The following HCST variants were observed in gnomAD, a reference collection of about 807,000 sequenced individuals.
HCST encodes DNAX-activation protein 10.
Under a neutral mutation model 10.8 loss-of-function variants are expected in HCST, and 12 were observed. The ratio of observed to expected loss-of-function variants is 1.12; its 90% CI spans 0.72 to 1.81. HCST has a LOEUF of 1.81. Among genes scored for constraint, HCST ranks in the 40% most tolerant of loss-of-function variants. The pLI, the probability that HCST is intolerant of heterozygous loss-of-function variation, is 0.00. For missense variants in HCST, 102 were observed against 117.9 expected (o/e 0.87, Z 0.62); for synonymous variants, 59 against 51.6 (o/e 1.14, Z -0.61).
Position 35,902,592 on chromosome 19 carries a change from C to T in HCST, c.-2C>T, listed in dbSNP as rs1198266220. 2 of 1,614,022 alleles carry T rather than the reference C, an allele frequency of 1.2e-6. No individual in the cohort carries two copies. The highest frequency in any genetic ancestry group is 1.7e-6 in the Non-Finnish European group (2 of 1,179,986). On this transcript the variant is annotated 5_prime_UTR_variant, in exon 1 of 4. Coordinates refer to ENST00000246551, the MANE Select transcript of HCST (RefSeq NM_014266.4). ...CAGACCCCTGCCAGACCCCAGTCCA[C>T]CATGATCCATCTGGGTCACATCCTC...
In HCST at chr19:35,903,794, C is replaced by T. The variant is rs1975643071; in HGVS notation, c.132C>T (p.Ser44=). 1.2e-6 allele frequency: 2 copies of T among 1,613,988 alleles called. No individual in the cohort carries two copies. Among genetic ancestry groups the T allele is most frequent in the East Asian group, 2.2e-5 (1 of 44,898 alleles). The stretch of plus-strand genomic sequence containing the variant: ...CAGGCTCTTGTTCCGGATGTGGGTC[C>T]CTCTCTCTGCCGCTCCTGGCAGGCC... ...GTSGSCSGCG[S]LSLPLLAGLV... is the part of the protein sequence containing the mutation. The change falls in exon 3 of 4, where the codon TCC becomes TCT. Residue 44 remains serine (S), a synonymous_variant. Coordinates refer to ENST00000246551, the MANE Select transcript of HCST (RefSeq NM_014266.4).
rs1053614975 is a variant in HCST at position 35,904,344 on chromosome 19, A to G, written c.*184A>G. 6 of 815,018 alleles carry G rather than the reference A, an allele frequency of 7.4e-6. No individual in the cohort carries two copies. The East Asian group carries it at 1.6e-4, about 22-fold the overall frequency. 50.5% of individuals were successfully genotyped at this position (815,018 alleles called of 1,614,324 possible). On this transcript the variant is annotated 3_prime_UTR_variant, in exon 4 of 4. Transcript: ENST00000246551. ...CTCCCATGAACTGTTTCTGGATCCA[A>G]GGCCCCCTCAGAACCCCCACATGTC...
In HCST at chr19:35,904,278, C is replaced by A; in HGVS notation, c.*118C>A. ...ATAAAACAATTGAAACACCTGTAGT[C>A]GTATTCTTTCTCAAAGAACCCCAGA... On this transcript the variant is annotated 3_prime_UTR_variant, in exon 4 of 4. Transcript: ENST00000246551. 1 of 1,105,658 alleles carries A rather than the reference C, an allele frequency of 9.0e-7. No homozygotes were observed. The allele number at this position is 1,105,658 out of a possible 1,614,324, so 68.5% of individuals were successfully genotyped here.
chr19:35,902,722 G>A, intron 1 of HCST, 86 bp downstream of exon 1: 4 of 1,375,094 alleles, frequency 2.9e-6, no homozygotes, highest in Non-Finnish European at 3.1e-6. Context: ...GGTGATGAAA[G>A]TGGGGTTCTT....
intron 2 of HCST, 106 bp from the exon 3 acceptor site, chr19:35,903,666 C>T: frequency 1.9e-6 from 3 of 1,544,248 alleles, no homozygotes; most frequent in Non-Finnish European, 2.7e-6. Flanking sequence ...TCCAAGGAAC[C>T]TGGGACCCGC....
intron 1 of HCST, 160 bp downstream of exon 1, chr19:35,902,796 G>A: frequency 1.4e-6 from 1 of 711,520 alleles, no homozygotes; most frequent in Non-Finnish European, 2.4e-6. Flanking sequence ...CTTGGGGGCG[G>A]AAGGGGGTGA....
Position 35,903,566 on chromosome 19 carries a change from G to A in HCST, c.109+150G>A, listed in dbSNP as rs1410773862. On this transcript the variant is annotated intron_variant, in intron 2 of 3. Transcript: ENST00000246551. ...AGCGACCCCCAGCCTGTGTTCAGGAGCACCCCGTGTGCCCGCCGCACAGCC... is the reference window on the plus strand; with the variant it reads ...AGCGACCCCCAGCCTGTGTTCAGGAACACCCCGTGTGCCCGCCGCACAGCC... 11 of 1,002,006 alleles carry A rather than the reference G, an allele frequency of 1.1e-5. No homozygotes were observed. The East Asian group carries it at 2.7e-4, about 25-fold the overall frequency. 62.1% of individuals were successfully genotyped at this position (1,002,006 alleles called of 1,614,324 possible). A position where few individuals can be genotyped will look rare whatever the true frequency, so the allele number is the denominator to read the frequency against.
Position 35,903,386 on chromosome 19 carries a change from T to G in HCST, c.79T>G (p.Ser27Ala), listed in dbSNP as rs1463793885. The change falls in exon 2 of 4, where the codon TCA (serine) becomes GCA (alanine). Residue 27 changes from serine (S) to alanine (A), a missense_variant. Coordinates refer to ENST00000246551, the MANE Select transcript of HCST (RefSeq NM_014266.4). ...TCAGACGACTCCAGGAGAGAGATCATCACTCCCTGCCTTTTACCCTGGCAC... is the reference window on the plus strand; with the variant it reads ...TCAGACGACTCCAGGAGAGAGATCAGCACTCCCTGCCTTTTACCCTGGCAC... ...AAQTTPGERSSLPAFYPGTSG... is the reference protein window; with the variant it reads ...AAQTTPGERSALPAFYPGTSG... 10 of 1,613,960 alleles carry G rather than the reference T, an allele frequency of 6.2e-6. No individual in the cohort carries two copies. The highest frequency in any genetic ancestry group is 8.5e-6 in the Non-Finnish European group (10 of 1,179,942).
chr19:35,902,715 G>A lies in HCST; in HGVS notation c.43+79G>A, dbSNP rs1438444711. 3 of 1,421,558 alleles carry A rather than the reference G, an allele frequency of 2.1e-6. No homozygotes were observed. The African/African-American group carries it at 4.2e-5, about 20-fold the overall frequency. The allele number at this position is 1,421,558 out of a possible 1,614,324, so 88.1% of individuals were successfully genotyped here. A position where few individuals can be genotyped will look rare whatever the true frequency, so the allele number is the denominator to read the frequency against. On this transcript the variant is annotated intron_variant, in intron 1 of 3. Coordinates refer to ENST00000246551, the MANE Select transcript of HCST (RefSeq NM_014266.4). Reference sequence around the variant, plus strand: ...TTGGGTGACGTCTGCAGGGACGGGTGATGAAAGTGGGGTTCTTCTCCCTGC... The same window carrying A: ...TTGGGTGACGTCTGCAGGGACGGGTAATGAAAGTGGGGTTCTTCTCCCTGC...
At chr19:35,903,687 G>A (rs1599636550) in intron 2 of HCST, 85 bp from the exon 3 acceptor site, 1 of 1,594,478 alleles carries the variant, frequency 6.3e-7, no homozygotes, top group Non-Finnish European at 8.6e-7. Context: ...CCCCTCGCAG[G>A]GGACTTCCTC....
Position 35,902,561 on chromosome 19 carries a change from C to T in HCST, c.-33C>T. Reference sequence around the variant, plus strand: ...CTCTGGACTTCTCTGGACCACAGTCCTCTGCCAGACCCCTGCCAGACCCCA... The same window carrying T: ...CTCTGGACTTCTCTGGACCACAGTCTTCTGCCAGACCCCTGCCAGACCCCA... On this transcript the variant is annotated 5_prime_UTR_variant, in exon 1 of 4. Transcript: ENST00000246551. The T allele has an allele frequency of 1.9e-6, 3 of 1,610,332 alleles. No homozygotes were observed. The highest frequency in any genetic ancestry group is 1.3e-5 in the African/African-American group (1 of 74,956).
At chr19:35,903,634 C>A in intron 2 of HCST, 138 bp from the exon 3 acceptor site, 2 of 1,261,892 alleles carry the variant, frequency 1.6e-6, no homozygotes, top group Middle Eastern at 2.1e-4. Flanking sequence ...ATCTGTCTCC[C>A]GTTTCATTCC....
chr19:35,903,953 AG>A, intron 3 of HCST, 50 bp downstream of exon 3: 1 of 1,580,044 alleles, frequency 6.3e-7, no homozygotes, highest in Non-Finnish European at 8.6e-7. Flanking sequence ...GTCCCTAGGG[AG>A]GGGGTCCCAG....
At chr19:35,903,645 C>T (rs1975638299) in intron 2 of HCST, 127 bp from the exon 3 acceptor site, 1 of 1,385,180 alleles carries the variant, frequency 7.2e-7, no homozygotes, top group Non-Finnish European at 1.0e-6. Flanking sequence ...GTTTCATTCC[C>T]CAAGCGCAAC....
chr19:35,903,270 C>T lies in HCST; in HGVS notation c.44-81C>T, dbSNP rs1233160760. Reference sequence around the variant, plus strand: ...CCTCCCAAAGTGCTGGGATGACAGGCGTGAGCCACGGTGCCAGGCTGAGCA... The same window carrying T: ...CCTCCCAAAGTGCTGGGATGACAGGTGTGAGCCACGGTGCCAGGCTGAGCA... On this transcript the variant is annotated intron_variant, in intron 1 of 3. Coordinates refer to ENST00000246551, the MANE Select transcript of HCST (RefSeq NM_014266.4). The T allele has an allele frequency of 2.2e-5, 27 of 1,251,968 alleles. No homozygotes were observed. In the East Asian group the frequency reaches 5.6e-4, roughly 26 times the overall value. The allele number at this position is 1,251,968 out of a possible 1,614,324, so 77.6% of individuals were successfully genotyped here.
chr19:35,904,012 G>T (rs1051615374), intron 3 of HCST, 108 bp from the exon 4 acceptor site: 6 of 1,587,300 alleles, frequency 3.8e-6, no homozygotes, highest in Middle Eastern at 2.1e-4. Context: ...GGGAAACCCT[G>T]GGGGAGGTGC....
intron 2 of HCST, 122 bp from the exon 3 acceptor site, chr19:35,903,650 C>A: frequency 7.1e-7 from 1 of 1,409,212 alleles, no homozygotes; most frequent in Non-Finnish European, 9.9e-7. Flanking sequence ...ATTCCCCAAG[C>A]GCAACTCCAA....
chr19:35,903,973 C>T, intron 3 of HCST, 70 bp downstream of exon 3: 32 of 1,574,908 alleles, frequency 2.0e-5, no homozygotes, highest in Non-Finnish European at 2.5e-5. Flanking sequence ...AGGGAGGGGG[C>T]CCTTGGGGAA....
At position 35,904,271 on chromosome 19, in the gene HCST, C is replaced by T; in HGVS notation, c.*111C>T. On this transcript the variant is annotated 3_prime_UTR_variant, in exon 4 of 4. Coordinates refer to ENST00000246551, the MANE Select transcript of HCST (RefSeq NM_014266.4). ...GATTGTAATAAAACAATTGAAACACCTGTAGTCGTATTCTTTCTCAAAGAA... is the reference window on the plus strand; with the variant it reads ...GATTGTAATAAAACAATTGAAACACTTGTAGTCGTATTCTTTCTCAAAGAA... The T allele has an allele frequency of 8.8e-7, 1 of 1,141,242 alleles. No individual in the cohort carries two copies. Among genetic ancestry groups the T allele is most frequent in the Non-Finnish European group, 1.3e-6 (1 of 761,392 alleles). The allele number at this position is 1,141,242 out of a possible 1,614,324, so 70.7% of individuals were successfully genotyped here. A position where few individuals can be genotyped will look rare whatever the true frequency, so the allele number is the denominator to read the frequency against.
Sources: gnomAD v4.1 joint callset for allele counts on GRCh38, gnomAD v4.1.1 for gene constraint, MANE v1.5 for transcripts, NCBI Gene and HGNC (gene_info 2026-07-23, HGNC 2026-07-21) for gene names.